The following LHFPL3 variants were observed in gnomAD, a reference collection of about 807,000 sequenced individuals.
LHFPL3 encodes the protein LHFPL tetraspan subfamily member 3 protein.
A neutral mutation model predicts 19.3 loss-of-function variants in LHFPL3; 5 were observed. The observed-to-expected ratio is 0.26, with a 90% CI of 0.14 to 0.54. The LOEUF is 0.54. Among genes scored for constraint, LHFPL3 ranks in the 20% least tolerant of loss-of-function variants. The pLI is 0.94. For synonymous variants in LHFPL3, 133 were observed against 126.2 expected, an observed-to-expected ratio of 1.05 and a Z score of -0.36; for missense variants, 249 against 307.4, an observed-to-expected ratio of 0.81 and a Z score of 1.42.
chr7:104,807,592 C>T (rs181592479), intron 2 of LHFPL3, among the ~76,000 whole-genome samples: 339 of 152,302 alleles, frequency 2.2e-3, no homozygotes, highest in Non-Finnish European at 3.6e-3. Flanking sequence ...TGTTATTTAG[C>T]CCAATGCCTG....
intron 1 of LHFPL3, among the ~76,000 whole-genome samples, chr7:104,652,308 G>C (rs1472940662): frequency 6.6e-6 from 1 of 152,214 alleles, no homozygotes; most frequent in Non-Finnish European, 1.5e-5. Flanking sequence ...GCATTGAAGG[G>C]CCAGTGGGGG....
In LHFPL3 at chr7:104,548,930, T is replaced by C. The variant is rs999051217; in HGVS notation, c.446-187745T>C. Among the ~76,000 whole-genome samples the C allele has an allele frequency of 2.6e-5, 4 of 152,118 alleles. No individual in the cohort carries two copies. In the South Asian group the frequency reaches 6.2e-4, roughly 24 times the overall value. On this transcript the variant is annotated intron_variant, in intron 1 of 2. Coordinates refer to ENST00000424859, the MANE Select transcript of LHFPL3 (RefSeq NM_199000.3). The stretch of plus-strand genomic sequence containing the variant: ...CTTGGTACATGTGTTTTAAATGTGT[T>C]TTGATTGAAATGTGTAGCCTCTAAG...
In LHFPL3 at chr7:104,570,018, G is replaced by C. The variant is rs968122256; in HGVS notation, c.446-166657G>C. ...TGATTCATTGTGTTTTGAAGCATTA[G>C]AGTCTTATGCGAAAATGCTAATTTC... On this transcript the variant is annotated intron_variant, in intron 1 of 2. Coordinates refer to ENST00000424859, the MANE Select transcript of LHFPL3 (RefSeq NM_199000.3). Among the ~76,000 whole-genome samples, 8 of 152,284 alleles carry C rather than the reference G, an allele frequency of 5.3e-5. No homozygotes were observed. The East Asian group carries it at 1.5e-3, about 29-fold the overall frequency.
At chr7:104,585,187 GC>G (rs2115590431) in intron 1 of LHFPL3, among the ~76,000 whole-genome samples, 1 of 151,990 alleles carries the variant, frequency 6.6e-6, no homozygotes, top group African/African-American at 2.4e-5. Context: ...CGCTGCATGG[GC>G]CTGTCACAGC....
intron 2 of LHFPL3, among the ~76,000 whole-genome samples, chr7:104,860,491 G>A (rs1791597679): frequency 1.3e-5 from 2 of 152,040 alleles, no homozygotes; most frequent in African/African-American, 4.8e-5. Context: ...AGACCTCTAG[G>A]TTTCCCAGGA....
intron 1 of LHFPL3, among the ~76,000 whole-genome samples, chr7:104,407,266 G>C (rs1490982872): frequency 1.3e-5 from 2 of 152,160 alleles, no homozygotes; most frequent in Non-Finnish European, 2.9e-5. Context: ...ATTTGGAGGA[G>C]ATAAGAACAA....
chr7:104,397,963 TAGAC>T (rs1001839914), intron 1 of LHFPL3, among the ~76,000 whole-genome samples: 9 of 152,166 alleles, frequency 5.9e-5, no homozygotes, highest in African/African-American at 1.7e-4. Flanking sequence ...TTTCTCATGA[TAGAC>T]AGGGTGAACC....
At chr7:104,559,644 C>T (rs1789941077) in intron 1 of LHFPL3, among the ~76,000 whole-genome samples, 1 of 152,176 alleles carries the variant, frequency 6.6e-6, no homozygotes, top group Non-Finnish European at 1.5e-5. Context: ...AATTTGACTT[C>T]CTATTTTCCT....
At chr7:104,506,830 A>G (rs576453055) in intron 1 of LHFPL3, among the ~76,000 whole-genome samples, 3 of 152,226 alleles carry the variant, frequency 2.0e-5, no homozygotes, top group Non-Finnish European at 4.4e-5. Context: ...TATGGGAGTA[A>G]CTAGTGATCT....
chr7:104,735,227 A>G (rs993500668), intron 1 of LHFPL3, among the ~76,000 whole-genome samples: 1 of 152,204 alleles, frequency 6.6e-6, no homozygotes, highest in Non-Finnish European at 1.5e-5. Context: ...TGGGAGAACC[A>G]CTACTCTCTT....
intron 1 of LHFPL3, among the ~76,000 whole-genome samples, chr7:104,690,250 C>A (rs1406347426): frequency 6.6e-6 from 1 of 152,236 alleles, no homozygotes; most frequent in Non-Finnish European, 1.5e-5. Context: ...ATTGCTTAAA[C>A]AAATTAACAC....
At chr7:104,865,257 T>C (rs1791698341) in intron 2 of LHFPL3, among the ~76,000 whole-genome samples, 1 of 152,020 alleles carries the variant, frequency 6.6e-6, no homozygotes, top group African/African-American at 2.4e-5. Context: ...GAAGAAGGCT[T>C]CAGACGATCA....
At chr7:104,706,524 T>C (rs1793193072) in intron 1 of LHFPL3, among the ~76,000 whole-genome samples, 2 of 152,222 alleles carry the variant, frequency 1.3e-5, no homozygotes, top group African/African-American at 2.4e-5. Context: ...ATGTAGATTT[T>C]ACTCTAGGCT....
intron 1 of LHFPL3, among the ~76,000 whole-genome samples, chr7:104,557,901 T>A (rs1789883391): frequency 6.6e-6 from 1 of 150,986 alleles, no homozygotes; most frequent in Non-Finnish European, 1.5e-5. Flanking sequence ...ATTGTTCAAT[T>A]CCCACCTATG....
chr7:104,548,679 C>T (rs755975739), intron 1 of LHFPL3, among the ~76,000 whole-genome samples: 1 of 152,136 alleles, frequency 6.6e-6, no homozygotes, highest in Non-Finnish European at 1.5e-5. Flanking sequence ...CTTGGCCAAC[C>T]CTGGATTTGT....
intron 2 of LHFPL3, among the ~76,000 whole-genome samples, chr7:104,857,165 T>C (rs372491226): frequency 6.6e-6 from 1 of 152,176 alleles, no homozygotes; most frequent in African/African-American, 2.4e-5. Flanking sequence ...CCTATTTGAC[T>C]AGTAGGCGAT....
At chr7:104,642,338 ACT>A (rs1791853887) in intron 1 of LHFPL3, among the ~76,000 whole-genome samples, 1 of 151,868 alleles carries the variant, frequency 6.6e-6, no homozygotes, top group South Asian at 2.1e-4. Context: ...CTAGGTTATG[ACT>A]CTTAAAGATT....
chr7:104,823,878 G>A (rs1790726293), intron 2 of LHFPL3, among the ~76,000 whole-genome samples: 1 of 151,868 alleles, frequency 6.6e-6, no homozygotes, highest in Non-Finnish European at 1.5e-5. Context: ...AGGCATGGTG[G>A]TTCCCACCTC....
chr7:104,785,267 C>T (rs1216483612), intron 2 of LHFPL3: 3 of 152,348 alleles, frequency 2.0e-5, no homozygotes, highest in Admixed American at 6.5e-5. Flanking sequence ...GCCATCCCCT[C>T]TTCACACTCC....
Sources: allele counts gnomAD v4.1 joint callset (sites outside exome capture counted in the v4.1 genomes callset), GRCh38; gene constraint gnomAD v4.1.1; transcripts MANE v1.5; gene names NCBI Gene and HGNC (gene_info 2026-07-23, HGNC 2026-07-21).